Variants in LDAH observed in about 807,000 individuals in gnomAD.
LDAH encodes lipid droplet-associated hydrolase.
A neutral mutation model predicts 29.6 loss-of-function variants in LDAH; 26 were observed. The ratio of observed to expected loss-of-function variants is 0.88; its 90% confidence interval spans 0.64 to 1.22. The LOEUF is 1.22. Among genes scored for constraint, LDAH ranks in the 50% most tolerant of loss-of-function variants. LDAH has a pLI of 0.00. For synonymous variants in LDAH, 117 were observed against 133.0 expected (o/e 0.88, Z 0.83); for missense variants, 344 against 387.3 (o/e 0.89, Z 0.94).
intron 4 of LDAH, among the ~76,000 whole-genome samples, chr2:20,747,916 C>G (rs1212361353): frequency 6.6e-6 from 1 of 152,050 alleles, no homozygotes; most frequent in Non-Finnish European, 1.5e-5. Flanking sequence ...TGAATTAAAG[C>G]AGGATGATTT....
intron 4 of LDAH, among the ~76,000 whole-genome samples, chr2:20,748,761 T>A (rs985691908): frequency 2.0e-5 from 3 of 152,234 alleles, no homozygotes; most frequent in African/African-American, 7.2e-5. Flanking sequence ...ACATGACTAC[T>A]ATGGCCTTTG....
chr2:20,774,174 T>C (rs1410081523), intron 4 of LDAH, among the ~76,000 whole-genome samples: 1 of 152,250 alleles, frequency 6.6e-6, no homozygotes, highest in Non-Finnish European at 1.5e-5. Flanking sequence ...TTTTTTGTTT[T>C]GTTTTATATC....
Position 20,774,931 on chromosome 2 carries a change from A to G in LDAH, c.347T>C (p.Ile116Thr), listed in dbSNP as rs768200319. The G allele has an allele frequency of 2.5e-6, 4 of 1,612,922 alleles. No individual in the cohort carries two copies. The highest frequency in any genetic ancestry group is 3.4e-6 in the Non-Finnish European group (4 of 1,179,522). ...IKDIYGLNGQIEHKLAFLRTH... is the reference protein window; with the variant it reads ...IKDIYGLNGQTEHKLAFLRTH... ...TCTCAGGAAAGCTAGTTTGTGCTCT[A>G]TTTGTCCATTTAGTCCATAAATGTC... Residue 116 changes from isoleucine (I) to threonine (T), a missense_variant, in exon 4 of 7, where the codon ATA becomes ACA. By Grantham distance (89) the Ile-to-Thr change is moderately conservative. Coordinates refer to ENST00000237822, the MANE Select transcript of LDAH (RefSeq NM_021925.4).
rs546747535 is a variant in LDAH at position 20,808,520 on chromosome 2, C to T, written c.-2-7055G>A. On this transcript the variant is annotated intron_variant, in intron 1 of 6. Transcript: ENST00000237822. ...CCACTAAGAATACAAAAAAATTAGC[C>T]GGGCGTGGTGGCGGGCGTCTATAAT... Among the ~76,000 whole-genome samples the T allele has an allele frequency of 1.2e-4, 19 of 152,026 alleles. No individual in the cohort carries two copies. In the South Asian group the frequency reaches 4.0e-3, roughly 32 times the overall value.
chr2:20,780,298 T>A (rs1490502854), intron 3 of LDAH, among the ~76,000 whole-genome samples: 2 of 152,214 alleles, frequency 1.3e-5, no homozygotes, highest in Non-Finnish European at 1.5e-5. Flanking sequence ...CATCAAATTA[T>A]GCTTTCCACT....
rs560035726 is a variant in LDAH at position 20,822,294 on chromosome 2, T to C, written c.-3+743A>G. 2.6e-5 allele frequency among the ~76,000 whole-genome samples: 4 copies of C among 152,110 alleles called. No individual in the cohort carries two copies. The South Asian group carries it at 8.3e-4, about 32-fold the overall frequency. On this transcript the variant is annotated intron_variant, in intron 1 of 6. Coordinates refer to ENST00000237822, the MANE Select transcript of LDAH (RefSeq NM_021925.4). ...CGCCCGCCACCACGCCCGGCTAATT[T>C]ATTTATTTATGTATTTATTTTTGTA...
chr2:20,760,213 G>C lies in LDAH; in HGVS notation c.468+14597C>G, dbSNP rs535596304. ...GAGTGGGTAAGATAGTGTAAAAGCA[G>C]GGAAAAGTGACAGGGGAAAAGGCTA... On this transcript the variant is annotated intron_variant, in intron 4 of 6. Transcript: ENST00000237822. 2.6e-5 allele frequency among the ~76,000 whole-genome samples: 4 copies of C among 152,256 alleles called. No homozygotes were observed. The South Asian group carries it at 8.3e-4, about 32-fold the overall frequency.
At chr2:20,765,239 C>T (rs533946527) in intron 4 of LDAH, among the ~76,000 whole-genome samples, 4 of 152,280 alleles carry the variant, frequency 2.6e-5, no homozygotes, top group South Asian at 2.1e-4. Flanking sequence ...TTCCTCTCAG[C>T]ATATGTTAAA....
At chr2:20,736,406 C>T (rs1666789026) in intron 5 of LDAH, among the ~76,000 whole-genome samples, 1 of 152,046 alleles carries the variant, frequency 6.6e-6, no homozygotes, top group African/African-American at 2.4e-5. Context: ...TGAGCCACTG[C>T]ACCCTAGCCT....
intron 5 of LDAH, among the ~76,000 whole-genome samples, chr2:20,713,477 A>G (rs1232668373): frequency 2.6e-5 from 4 of 152,218 alleles, no homozygotes; most frequent in African/African-American, 9.6e-5. Context: ...AACTGCATCA[A>G]GTAATGGGCA....
chr2:20,737,361 A>T (rs111440372), intron 5 of LDAH, among the ~76,000 whole-genome samples: 4,772 of 152,292 alleles, frequency 0.031, 250 homozygotes, highest in African/African-American at 0.11. Context: ...AGGAAAATGG[A>T]ATCCATAACT....
chr2:20,716,726 A>ATATATATATATATATATATATATG (rs1665229153), intron 5 of LDAH, among the ~76,000 whole-genome samples: 1 of 143,754 alleles, frequency 7.0e-6, no homozygotes, highest in Non-Finnish European at 1.5e-5. Context: ...TTAAGTATAT[A>ATATATATATATATATATATATATG]TACATATATA....
chr2:20,720,896 C>T (rs927341210), intron 5 of LDAH, among the ~76,000 whole-genome samples: 2 of 152,092 alleles, frequency 1.3e-5, no homozygotes, highest in Non-Finnish European at 2.9e-5. Flanking sequence ...AGGATAGTCT[C>T]TCTAATAAAC....
intron 5 of LDAH, among the ~76,000 whole-genome samples, chr2:20,728,484 A>G (rs1317221439): frequency 1.3e-5 from 2 of 152,164 alleles, no homozygotes; most frequent in Non-Finnish European, 2.9e-5. Context: ...CATGGAGTAT[A>G]AACTCTAGCA....
At chr2:20,815,887 T>G (rs1558506181) in intron 1 of LDAH, among the ~76,000 whole-genome samples, 1 of 152,156 alleles carries the variant, frequency 6.6e-6, no homozygotes, top group Admixed American at 6.5e-5. Context: ...ATTCTTCATC[T>G]TATGAGTTTC....
rs1196243288 is a variant in LDAH, at chr2:20,740,194, G to A, written c.480C>T (p.Ala160=). 1 of 1,612,646 alleles carries A rather than the reference G, an allele frequency of 6.2e-7. No homozygotes were observed. Among genetic ancestry groups the A allele is most frequent in the African/African-American group, 1.3e-5 (1 of 74,902 alleles). ...KRVPELPVIR[A]FLLFPTIERM... ...GTTCAATTGTTGGAAAGAGCAGAAA[G>A]GCACGAATTACCTGCAATAAAGAAG... Residue 160 remains alanine (A), a synonymous_variant, in exon 5 of 7, where the codon GCC becomes GCT. Transcript: ENST00000237822.
chr2:20,796,671 CA>C (rs1266064815), intron 2 of LDAH, among the ~76,000 whole-genome samples: 1 of 152,188 alleles, frequency 6.6e-6, no homozygotes, highest in Admixed American at 6.5e-5. Context: ...CAGTTCCCTG[CA>C]GGGCTTGTTA....
intron 6 of LDAH, among the ~76,000 whole-genome samples, chr2:20,696,859 G>A (rs1663531227): frequency 6.6e-6 from 1 of 152,006 alleles, no homozygotes; most frequent in South Asian, 2.1e-4. Flanking sequence ...TTTCATCCTG[G>A]TTCTCCTTCC....
At chr2:20,727,516 T>A (rs990011455) in intron 5 of LDAH, among the ~76,000 whole-genome samples, 4 of 152,206 alleles carry the variant, frequency 2.6e-5, no homozygotes, top group African/African-American at 9.6e-5. Context: ...TAATGTAATC[T>A]ACCAGAAATT....
Sources: gnomAD v4.1 joint callset for allele counts (sites outside exome capture counted in the v4.1 genomes callset) on GRCh38, gnomAD v4.1.1 for gene constraint, MANE v1.5 for transcripts, NCBI Gene and HGNC (gene_info 2026-07-23, HGNC 2026-07-21) for gene names.